The following ZNF385D variants were observed in gnomAD, a reference collection of about 807,000 sequenced individuals.
ZNF385D encodes the protein zinc finger protein 385D, also known as zinc finger protein 659.
Under a neutral mutation model 35.8 loss-of-function variants are expected in ZNF385D, and 15 were observed. The observed-to-expected ratio is 0.42, with a 90% confidence interval of 0.28 to 0.64. The LOEUF (loss-of-function observed/expected upper bound fraction) is 0.64. Among genes scored for constraint, ZNF385D ranks in the 30% least tolerant of loss-of-function variants. The pLI is 0.23. For synonymous variants in ZNF385D, 212 were observed against 186.8 expected, an observed-to-expected ratio of 1.13 and a Z score of -1.10; for missense variants, 474 against 494.6, an observed-to-expected ratio of 0.96 and a Z score of 0.39.
chr3:21,990,018 A>G (rs1695061618), intron 3 of ZNF385D, among the ~76,000 whole-genome samples: 1 of 152,268 alleles, frequency 6.6e-6, no homozygotes, highest in Non-Finnish European at 1.5e-5. Context: ...AAAGACAAAT[A>G]TTAAATGGGA....
At chr3:22,110,511 C>G (rs1220359367) in intron 3 of ZNF385D, among the ~76,000 whole-genome samples, 2 of 152,002 alleles carry the variant, frequency 1.3e-5, no homozygotes. Flanking sequence ...AGCTGGAAAC[C>G]ATCATTCTCA....
At chr3:22,334,386 T>C (rs1227438276) in intron 2 of ZNF385D, among the ~76,000 whole-genome samples, 1 of 152,166 alleles carries the variant, frequency 6.6e-6, no homozygotes, top group Non-Finnish European at 1.5e-5. Context: ...AATATGTTAG[T>C]TCCATTTACC....
chr3:22,217,269 T>C (rs900220257), intron 2 of ZNF385D, among the ~76,000 whole-genome samples: 2 of 152,154 alleles, frequency 1.3e-5, no homozygotes. Flanking sequence ...CTTTTGCCCA[T>C]GTTTTCCCTT....
At chr3:22,028,861 A>G (rs192938162) in intron 3 of ZNF385D, among the ~76,000 whole-genome samples, 108 of 152,272 alleles carry the variant, frequency 7.1e-4, no homozygotes, top group African/African-American at 2.4e-3. Flanking sequence ...AATGTCAACT[A>G]GGGGACTATA....
chr3:22,028,853 T>C (rs1697732300), intron 3 of ZNF385D, among the ~76,000 whole-genome samples: 1 of 152,148 alleles, frequency 6.6e-6, no homozygotes, highest in African/African-American at 2.4e-5. Context: ...ACAAATACAA[T>C]GTCAACTAGG....
At chr3:21,703,377 G>C (rs965131032) in intron 1 of ZNF385D, among the ~76,000 whole-genome samples, 2 of 152,114 alleles carry the variant, frequency 1.3e-5, no homozygotes, top group African/African-American at 2.4e-5. Context: ...TAACATGTGG[G>C]AATTCTGGGA....
At chr3:21,896,013 T>G (rs986685163) in intron 3 of ZNF385D, among the ~76,000 whole-genome samples, 1 of 152,140 alleles carries the variant, frequency 6.6e-6, no homozygotes, top group Non-Finnish European at 1.5e-5. Context: ...ATTAGAGAAA[T>G]AGTTACTTGG....
chr3:22,056,952 T>C (rs764720849), intron 3 of ZNF385D, among the ~76,000 whole-genome samples: 11 of 152,248 alleles, frequency 7.2e-5, no homozygotes, highest in Non-Finnish European at 1.3e-4. Flanking sequence ...CAAAATTGCA[T>C]TGGCCACAGC....
chr3:22,178,333 C>A (rs1160513626), intron 2 of ZNF385D, among the ~76,000 whole-genome samples: 1 of 152,150 alleles, frequency 6.6e-6, no homozygotes, highest in Admixed American at 6.5e-5. Flanking sequence ...CTCTGATGGC[C>A]AGTGATGATA....
At chr3:21,654,756 G>A (rs2066022925) in intron 2 of ZNF385D, among the ~76,000 whole-genome samples, 1 of 151,764 alleles carries the variant, frequency 6.6e-6, no homozygotes, top group East Asian at 1.9e-4. Flanking sequence ...AAATTACTCT[G>A]TTAAGTTGCT....
intron 3 of ZNF385D, among the ~76,000 whole-genome samples, chr3:21,861,829 T>C (rs888969652): frequency 2.4e-4 from 37 of 152,116 alleles, no homozygotes; most frequent in African/African-American, 6.8e-4. Flanking sequence ...ACCTGCTCTA[T>C]GCCAATGAGT....
intron 3 of ZNF385D, among the ~76,000 whole-genome samples, chr3:22,053,173 C>G (rs552011894): frequency 2.3e-5 from 2 of 87,220 alleles, no homozygotes; most frequent in Non-Finnish European, 4.7e-5. Context: ...TAGGACCCTC[C>G]GAGCCAGGTG....
chr3:21,615,117 G>C (rs1266758063), intron 2 of ZNF385D, among the ~76,000 whole-genome samples: 4 of 152,046 alleles, frequency 2.6e-5, no homozygotes, highest in African/African-American at 7.2e-5. Flanking sequence ...GTTGAAGGTG[G>C]GGCCTAGTGG....
chr3:21,603,654 G>A (rs753851168), intron 2 of ZNF385D, among the ~76,000 whole-genome samples: 31 of 143,970 alleles, frequency 2.2e-4, no homozygotes, highest in Non-Finnish European at 2.1e-4. Context: ...ATATACATTT[G>A]TATGCCCTTA....
intron 2 of ZNF385D, among the ~76,000 whole-genome samples, chr3:22,298,416 CATTT>C (rs1339641720): frequency 3.7e-5 from 5 of 136,752 alleles, no homozygotes; most frequent in Admixed American, 7.7e-5. Flanking sequence ...AAAATAAAAA[CATTT>C]ATATATAATA....
chr3:21,592,683 G>A (rs768782298), intron 2 of ZNF385D, among the ~76,000 whole-genome samples: 52 of 152,068 alleles, frequency 3.4e-4, no homozygotes, highest in Non-Finnish European at 6.6e-4. Context: ...AAATCAGATC[G>A]TTTAGAGGAG....
At chr3:21,542,873 C>T (rs757937325) in intron 3 of ZNF385D, 3 of 152,320 alleles carry the variant, frequency 2.0e-5, no homozygotes, top group Non-Finnish European at 2.9e-5. Flanking sequence ...CTTTATTCAC[C>T]CTTTAAACCT....
At chr3:22,033,420 T>TAATAATAAC (rs1418052659) in intron 3 of ZNF385D, among the ~76,000 whole-genome samples, 2 of 133,414 alleles carry the variant, frequency 1.5e-5, no homozygotes, top group African/African-American at 5.2e-5. Context: ...ATAATAATAA[T>TAATAATAAC]AATAATAATA....
At chr3:21,858,222 T>G (rs1349339593) in intron 3 of ZNF385D, among the ~76,000 whole-genome samples, 1 of 149,230 alleles carries the variant, frequency 6.7e-6, no homozygotes, top group Non-Finnish European at 1.5e-5. Flanking sequence ...TCAGAAAAAG[T>G]CAAGGTCACA....
Sources: allele counts gnomAD v4.1 joint callset (sites outside exome capture counted in the v4.1 genomes callset), GRCh38; gene constraint gnomAD v4.1.1; transcripts MANE v1.5; gene names NCBI Gene and HGNC (gene_info 2026-07-23, HGNC 2026-07-21).